NCEH1: variants seen among roughly 807,000 people sequenced by gnomAD.
The protein encoded by NCEH1 is 2-acetyl MAGE hydrolase.
Under a neutral mutation model 25.4 loss-of-function variants are expected in NCEH1, and 9 were observed. The ratio of observed to expected loss-of-function variants is 0.35; its 90% CI spans 0.21 to 0.62. The LOEUF is 0.62. Ranked by LOEUF, NCEH1 falls within the 20% of genes least tolerant of loss-of-function variation. The probability of loss-of-function intolerance (pLI) is 0.72; values close to 1 mark genes in which losing one functional copy is unlikely to be tolerated. For missense variants in NCEH1, 412 were observed against 501.1 expected (o/e 0.82, Z 1.70); for synonymous variants, 200 against 199.8 (o/e 1.00, Z -0.01).
chr3:172,662,265 T>C (rs1718005681), intron 1 of NCEH1, among the ~76,000 whole-genome samples: 1 of 152,244 alleles, frequency 6.6e-6, no homozygotes, highest in Admixed American at 6.5e-5. Context: ...TAAGATGGAT[T>C]ACATTTATTG....
chr3:172,695,772 T>G (rs1172539889), intron 1 of NCEH1, among the ~76,000 whole-genome samples: 2 of 151,934 alleles, frequency 1.3e-5, no homozygotes, highest in Admixed American at 6.6e-5. Context: ...GGTGAAATGC[T>G]GTCTCTACTG....
chr3:172,646,111 A>G (rs1188017609), intron 2 of NCEH1, among the ~76,000 whole-genome samples: 1 of 152,188 alleles, frequency 6.6e-6, no homozygotes, highest in Non-Finnish European at 1.5e-5. Context: ...TCAGCACTTC[A>G]GGAGGCTAAG....
At chr3:172,644,501 A>G (rs907923852) in intron 3 of NCEH1, among the ~76,000 whole-genome samples, 2 of 152,202 alleles carry the variant, frequency 1.3e-5, no homozygotes, top group Non-Finnish European at 2.9e-5. Context: ...GCTCCCTTCA[A>G]TAGTGGCTTG....
intron 1 of NCEH1, among the ~76,000 whole-genome samples, chr3:172,649,667 T>C (rs1436469011): frequency 6.6e-6 from 1 of 152,244 alleles, no homozygotes; most frequent in East Asian, 1.9e-4. Context: ...ATTTAGAGAA[T>C]ATTGAGATCT....
rs551410847 is a variant in NCEH1, at chr3:172,692,521, C to T, written c.138+18326G>A. On this transcript the variant is annotated intron_variant, in intron 1 of 4. Coordinates refer to ENST00000475381, the MANE Select transcript of NCEH1 (RefSeq NM_020792.6). ...CACAGGTGCATGTCACCACACCTGG[C>T]TAATTTTTTTTTTTTAATTTTTTTG... Among the ~76,000 whole-genome samples, 3 of 94,238 alleles carry T rather than the reference C, an allele frequency of 3.2e-5. No individual in the cohort carries two copies. The South Asian group carries it at 9.3e-4, about 29-fold the overall frequency. 61.8% of individuals were successfully genotyped at this position (94,238 alleles called of 152,430 possible).
At chr3:172,666,300 C>A (rs1271904438) in intron 1 of NCEH1, among the ~76,000 whole-genome samples, 1 of 152,154 alleles carries the variant, frequency 6.6e-6, no homozygotes, top group Non-Finnish European at 1.5e-5. Context: ...ATCATGGCAA[C>A]CTGCATTTGC....
intron 1 of NCEH1, among the ~76,000 whole-genome samples, chr3:172,672,503 C>T (rs1711694605): frequency 6.6e-6 from 1 of 152,166 alleles, no homozygotes; most frequent in Non-Finnish European, 1.5e-5. Flanking sequence ...GATAGAGGCA[C>T]TAATAGAACA....
In NCEH1 at chr3:172,633,556, A is replaced by T. The variant is rs1716460829; in HGVS notation, c.1146T>A (p.Ile382=). 1 of 1,614,104 alleles carries T rather than the reference A, an allele frequency of 6.2e-7. No individual in the cohort carries two copies. The highest frequency in any genetic ancestry group is 8.5e-7 in the Non-Finnish European group (1 of 1,179,986). Residue 382 remains isoleucine, a synonymous_variant, in exon 5 of 5, where the codon ATT becomes ATA. Coordinates refer to ENST00000475381, the MANE Select transcript of NCEH1 (RefSeq NM_020792.6). ...HFEDGFHGCM[I]FTSWPTNFSV... ...AGAAGTTGGTGGGCCAGCTAGTGAA[A>T]ATCATACATCCGTGAAAGCCATCCT...
intron 1 of NCEH1, among the ~76,000 whole-genome samples, chr3:172,660,547 C>CCA (rs977999659): frequency 7.9e-5 from 12 of 152,172 alleles, no homozygotes; most frequent in African/African-American, 2.9e-4. Flanking sequence ...TGAGGAATTG[C>CCA]CACACTGTCT....
chr3:172,639,003 T>C (rs1402030967), intron 3 of NCEH1, among the ~76,000 whole-genome samples: 1 of 152,148 alleles, frequency 6.6e-6, no homozygotes, highest in African/African-American at 2.4e-5. Flanking sequence ...AAATGGACAC[T>C]TTTGGCCAGG....
chr3:172,640,576 C>T (rs1716804475), intron 3 of NCEH1, among the ~76,000 whole-genome samples: 1 of 151,448 alleles, frequency 6.6e-6, no homozygotes, highest in Non-Finnish European at 1.5e-5. Context: ...GGCACAATCT[C>T]GGCTCACTGC....
At position 172,635,998 on chromosome 3, in the gene NCEH1, T is replaced by C; in HGVS notation, c.527A>G (p.Gln176Arg). 5 of 1,614,186 alleles carry C rather than the reference T, an allele frequency of 3.1e-6. No homozygotes were observed. The highest frequency in any genetic ancestry group is 4.2e-6 in the Non-Finnish European group (5 of 1,180,020). The change falls in exon 4 of 5, where the codon CAG (glutamine) becomes CGG (arginine). Residue 176 changes from glutamine to arginine, a missense_variant. Coordinates refer to ENST00000475381, the MANE Select transcript of NCEH1 (RefSeq NM_020792.6). ...TCTGCCTGGATCAACCATATACTTC[T>C]GTAAGACTTCTGGCTTCAGGAAATA... is the stretch of plus-strand genomic sequence containing the variant. Reference protein sequence around the residue: ...TKYFLKPEVLQKYMVDPGRIC... With the variant: ...TKYFLKPEVLRKYMVDPGRIC...
intron 3 of NCEH1, among the ~76,000 whole-genome samples, chr3:172,637,505 C>A (rs937600121): frequency 1.1e-4 from 17 of 152,138 alleles, no homozygotes; most frequent in African/African-American, 3.9e-4. Context: ...GTAATCCCAG[C>A]ACTTTGGGAG....
At chr3:172,648,148 C>A (rs757790892) in intron 1 of NCEH1, 34 bp from the exon 2 acceptor site, 1 of 1,611,706 alleles carries the variant, frequency 6.2e-7, no homozygotes, top group Non-Finnish European at 8.5e-7. Context: ...AGAGGGAGGG[C>A]GCACGTCAAC....
At chr3:172,676,356 T>C (rs950793615) in intron 1 of NCEH1, among the ~76,000 whole-genome samples, 1 of 152,154 alleles carries the variant, frequency 6.6e-6, no homozygotes, top group Non-Finnish European at 1.5e-5. Flanking sequence ...TGCCTTCTTC[T>C]TGTCACCATG....
chr3:172,704,963 A>T (rs1160714829), intron 1 of NCEH1, among the ~76,000 whole-genome samples: 2 of 152,230 alleles, frequency 1.3e-5, no homozygotes, highest in Non-Finnish European at 2.9e-5. Flanking sequence ...ACAGGATTTC[A>T]ATCCATGTTA....
chr3:172,688,167 TC>T (rs1712803613), intron 1 of NCEH1, among the ~76,000 whole-genome samples: 1 of 151,880 alleles, frequency 6.6e-6, no homozygotes, highest in Non-Finnish European at 1.5e-5. Flanking sequence ...AAACCCCGTC[TC>T]TACTAAAAAC....
intron 1 of NCEH1, chr3:172,703,109 A>G (rs1044729940): frequency 3.3e-5 from 5 of 152,262 alleles, no homozygotes; most frequent in African/African-American, 4.8e-5. Flanking sequence ...ATTTGGCAGC[A>G]AAAGTAAATA....
At chr3:172,680,569 G>A (rs1712296407) in intron 1 of NCEH1, 1 of 152,138 alleles carries the variant, frequency 6.6e-6, no homozygotes. Flanking sequence ...AATGGATGGG[G>A]AGGAGCATGA....
Sources: gnomAD v4.1 joint callset for allele counts (sites outside exome capture counted in the v4.1 genomes callset) on GRCh38, gnomAD v4.1.1 for gene constraint, MANE v1.5 for transcripts, NCBI Gene and HGNC (gene_info 2026-07-23, HGNC 2026-07-21) for gene names.